ZNF516: variants seen among roughly 807,000 people sequenced by gnomAD.
The protein encoded by ZNF516 is zinc finger protein 516.
ZNF516 carries 19 observed loss-of-function variants against 79.7 expected under a neutral mutation model. That is an observed-to-expected ratio of 0.24 (90% CI 0.17 to 0.35). The LOEUF (loss-of-function observed/expected upper bound fraction) is 0.35. Among genes scored for constraint, ZNF516 ranks in the 10% least tolerant of loss-of-function variants. ZNF516 has a pLI of 1.00. For synonymous variants in ZNF516, 877 were observed against 739.5 expected (o/e 1.19, Z -3.02); for missense variants, 1,678 against 1,679.5 (o/e 1.00, Z 0.02).
intron 3 of ZNF516, among the ~76,000 whole-genome samples, chr18:76,391,415 A>G (rs2075072835): frequency 6.6e-6 from 1 of 152,178 alleles, no homozygotes; most frequent in Non-Finnish European, 1.5e-5. Context: ...ACCGCTAACC[A>G]TAACCACTAA....
chr18:76,492,131 G>A (rs1240496477), intron 1 of ZNF516: 1 of 984,230 alleles, frequency 1.0e-6, no homozygotes, highest in East Asian at 1.1e-4. Context: ...GGGCACGTGG[G>A]TCCTTAACCT....
intron 3 of ZNF516, among the ~76,000 whole-genome samples, chr18:76,426,023 C>T (rs545935192): frequency 1.3e-5 from 2 of 152,334 alleles, no homozygotes; most frequent in East Asian, 3.9e-4. Context: ...AAGTACGTTC[C>T]TTCATCCTAA....
chr18:76,364,615 CTCTT>C (rs1485460012), intron 6 of ZNF516, among the ~76,000 whole-genome samples: 3 of 152,330 alleles, frequency 2.0e-5, no homozygotes, highest in Admixed American at 6.5e-5. Flanking sequence ...TCCACTTTCT[CTCTT>C]TCTTTTAGTA....
At chr18:76,391,078 G>A (rs2075066266) in intron 3 of ZNF516, among the ~76,000 whole-genome samples, 2 of 152,112 alleles carry the variant, frequency 1.3e-5, no homozygotes, top group South Asian at 2.1e-4. Context: ...ACGGAAGGTG[G>A]GGACACCAGG....
At chr18:76,391,555 G>A (rs899336657) in intron 3 of ZNF516, among the ~76,000 whole-genome samples, 18 of 151,670 alleles carry the variant, frequency 1.2e-4, no homozygotes, top group African/African-American at 3.6e-4. Context: ...AACCCTAACC[G>A]CTCCCTCTGT....
intron 1 of ZNF516, among the ~76,000 whole-genome samples, chr18:76,476,448 A>G (rs1914179752): frequency 6.6e-6 from 1 of 152,212 alleles, no homozygotes; most frequent in East Asian, 1.9e-4. Flanking sequence ...TGGAAGAATG[A>G]CATTCAGATC....
chr18:76,445,543 G>A (rs1225307714), intron 2 of ZNF516, among the ~76,000 whole-genome samples: 1 of 152,186 alleles, frequency 6.6e-6, no homozygotes, highest in Non-Finnish European at 1.5e-5. Flanking sequence ...CTAACTTAGT[G>A]ACTGGATGTG....
intron 3 of ZNF516, among the ~76,000 whole-genome samples, chr18:76,408,998 C>T (rs1027660725): frequency 6.6e-6 from 1 of 152,092 alleles, no homozygotes; most frequent in Non-Finnish European, 1.5e-5. Context: ...TCTATCTAAC[C>T]TTCAGAAAAC....
chr18:76,481,188 G>A lies in ZNF516; in HGVS notation c.-272+13956C>T, dbSNP rs938150758. On this transcript the variant is annotated intron_variant, in intron 1 of 6. Coordinates refer to ENST00000443185, the MANE Select transcript of ZNF516 (RefSeq NM_014643.4). The stretch of plus-strand genomic sequence containing the variant: ...GGACCAAGTCCCACCAGCTCACTGG[G>A]ATGGCTACAGCTGACCCAGAAATTT... Among the ~76,000 whole-genome samples the A allele has an allele frequency of 2.0e-5, 3 of 152,216 alleles. No individual in the cohort carries two copies. The East Asian group carries it at 5.8e-4, about 29-fold the overall frequency.
At chr18:76,368,421 T>G (rs1353486512) in intron 6 of ZNF516, among the ~76,000 whole-genome samples, 5 of 152,024 alleles carry the variant, frequency 3.3e-5, no homozygotes, top group Admixed American at 3.3e-4. Context: ...AGCTCAGATA[T>G]GGAATTTAAC....
intron 2 of ZNF516, among the ~76,000 whole-genome samples, chr18:76,456,143 C>T (rs192120978): frequency 6.6e-5 from 10 of 152,334 alleles, no homozygotes; most frequent in Admixed American, 1.3e-4. Context: ...TCTCAGGAGC[C>T]CTGGCGAACG....
At chr18:76,401,138 C>T (rs1238630728) in intron 3 of ZNF516, among the ~76,000 whole-genome samples, 2 of 152,042 alleles carry the variant, frequency 1.3e-5, no homozygotes, top group African/African-American at 2.4e-5. Flanking sequence ...TTATTTATAT[C>T]CTACTGCTCA....
In ZNF516 at chr18:76,441,724, G is replaced by T; in HGVS notation, c.1331C>A (p.Ala444Asp). 3.8e-6 allele frequency: 6 copies of T among 1,573,414 alleles called. No individual in the cohort carries two copies. The highest frequency in any genetic ancestry group is 3.4e-6 in the Non-Finnish European group (4 of 1,164,214). The change falls in exon 3 of 7, where the codon GCC (alanine) becomes GAC (aspartate). Residue 444 changes from alanine (A) to aspartate (D), a missense_variant. Transcript: ENST00000443185. ...GTCCTTGTCGAAGGCCACGTCCCCG[G>T]CCAGCGCCTCGTCCCAGGCCCCGTA... Reference protein sequence around the residue: ...LKYGAWDEALAGDVAFDKDRR... With the variant: ...LKYGAWDEALDGDVAFDKDRR...
chr18:76,496,162 G>A, upstream of ZNF516: 1 of 906,242 alleles, frequency 1.1e-6, no homozygotes, highest in South Asian at 1.7e-5. Context: ...GGGCGGGCGC[G>A]CGGGGGCGGG....
At chr18:76,389,958 C>A (rs1274064563) in intron 3 of ZNF516, among the ~76,000 whole-genome samples, 1 of 152,196 alleles carries the variant, frequency 6.6e-6, no homozygotes, top group East Asian at 1.9e-4. Flanking sequence ...AGTTTTATTA[C>A]ATGAGGCAGT....
At chr18:76,427,514 G>A (rs2075611339) in intron 3 of ZNF516, among the ~76,000 whole-genome samples, 2 of 152,140 alleles carry the variant, frequency 1.3e-5, no homozygotes, top group African/African-American at 4.8e-5. Context: ...GGTTTTACAT[G>A]GGTTAACACA....
chr18:76,395,276 G>A (rs539829867), intron 3 of ZNF516, among the ~76,000 whole-genome samples: 7 of 152,254 alleles, frequency 4.6e-5, no homozygotes, highest in East Asian at 1.9e-4. Context: ...GCTGCACCCC[G>A]TCCTAAACGA....
At chr18:76,449,447 G>T (rs960056347) in intron 2 of ZNF516, among the ~76,000 whole-genome samples, 1 of 152,180 alleles carries the variant, frequency 6.6e-6, no homozygotes, top group South Asian at 2.1e-4. Context: ...TTCAGCCAAT[G>T]ATAAGAGTCT....
Position 76,362,388 on chromosome 18 carries a change from C to G in ZNF516, c.*110G>C. The G allele has an allele frequency of 9.3e-7, 1 of 1,078,616 alleles. No homozygotes were observed. Among genetic ancestry groups the G allele is most frequent in the Non-Finnish European group, 1.4e-6 (1 of 732,184 alleles). The allele number at this position is 1,078,616 out of a possible 1,614,324, so 66.8% of individuals were successfully genotyped here. A position where few individuals can be genotyped will look rare whatever the true frequency, so the allele number is the denominator to read the frequency against. ...GTGAGGTGTCTGCTCAGGAGTTCCCCGGCTGTTCTTCCATGGAGCGGCCAG... is the reference window on the plus strand; with the variant it reads ...GTGAGGTGTCTGCTCAGGAGTTCCCGGGCTGTTCTTCCATGGAGCGGCCAG... On this transcript the variant is annotated 3_prime_UTR_variant, in exon 7 of 7. Transcript: ENST00000443185.
Sources: allele counts gnomAD v4.1 joint callset (sites outside exome capture counted in the v4.1 genomes callset), GRCh38; gene constraint gnomAD v4.1.1; transcripts MANE v1.5; gene names NCBI Gene and HGNC (gene_info 2026-07-23, HGNC 2026-07-21).